Variants in XYLT1 observed in about 807,000 individuals in gnomAD.
XYLT1 encodes the protein xylosyltransferase 1.
In XYLT1, 36 loss-of-function variants were observed where a neutral mutation model predicts 91.3. The observed-to-expected ratio is 0.39, with a 90% CI of 0.30 to 0.52. The LOEUF (loss-of-function observed/expected upper bound fraction) is 0.52, where lower values mean the gene tolerates loss of function less well. XYLT1 is among the 20% of genes least tolerant of loss of function. The probability of loss-of-function intolerance (pLI) is 0.68; values close to 1 mark genes in which losing one functional copy is unlikely to be tolerated. For missense variants in XYLT1, 1,242 were observed against 1,284.5 expected (o/e 0.97, Z 0.51); for synonymous variants, 588 against 532.0 (o/e 1.11, Z -1.45).
At chr16:17,127,218 C>T (rs979784246) in intron 10 of XYLT1, among the ~76,000 whole-genome samples, 1 of 152,138 alleles carries the variant, frequency 6.6e-6, no homozygotes, top group Non-Finnish European at 1.5e-5. Context: ...TTGAGCGAAT[C>T]CAGGTGTGCT....
intron 2 of XYLT1, among the ~76,000 whole-genome samples, chr16:17,270,909 T>G (rs1254989484): frequency 6.6e-6 from 1 of 151,974 alleles, no homozygotes; most frequent in Non-Finnish European, 1.5e-5. Context: ...TGAATGCCCC[T>G]TCAAATGGGG....
chr16:17,139,538 T>A (rs1328394795), intron 7 of XYLT1, among the ~76,000 whole-genome samples: 5 of 152,096 alleles, frequency 3.3e-5, no homozygotes, highest in African/African-American at 1.2e-4. Context: ...TCTAAATGGA[T>A]GGGTGGGTAA....
Position 17,450,365 on chromosome 16 carries a change from A to ACAAAC in XYLT1, c.363+20068_363+20069insGTTTG, listed in dbSNP as rs1555458016. Among the ~76,000 whole-genome samples, 47 of 145,306 alleles carry ACAAAC rather than the reference A, an allele frequency of 3.2e-4. No homozygotes were observed. In the South Asian group the frequency reaches 4.9e-3, roughly 15 times the overall value. On this transcript the variant is annotated intron_variant, in intron 1 of 11. Coordinates refer to ENST00000261381, the MANE Select transcript of XYLT1 (RefSeq NM_022166.4). ...AACAAACAAACAAACAAACAAACAA[A>ACAAAC]AAAAAAAAGGTGAGAAGGATTCTAG...
intron 1 of XYLT1, among the ~76,000 whole-genome samples, chr16:17,433,436 A>T (rs1456526111): frequency 6.6e-6 from 1 of 152,210 alleles, no homozygotes; most frequent in Non-Finnish European, 1.5e-5. Flanking sequence ...GAATCATAAA[A>T]AGTAAGGAAG....
chr16:17,390,462 C>G (rs1184271595), intron 1 of XYLT1, among the ~76,000 whole-genome samples: 1 of 152,180 alleles, frequency 6.6e-6, no homozygotes, highest in Non-Finnish European at 1.5e-5. Flanking sequence ...GCCCCTGTGG[C>G]CAACACATCT....
At chr16:17,390,839 C>T (rs1331418466) in intron 1 of XYLT1, among the ~76,000 whole-genome samples, 1 of 152,120 alleles carries the variant, frequency 6.6e-6, no homozygotes, top group Non-Finnish European at 1.5e-5. Flanking sequence ...AGTTCAAAAC[C>T]AGCCTGGGCA....
At chr16:17,441,496 T>C (rs936639732) in intron 1 of XYLT1, among the ~76,000 whole-genome samples, 1 of 152,200 alleles carries the variant, frequency 6.6e-6, no homozygotes, top group Admixed American at 6.5e-5. Context: ...AACAGTCCAC[T>C]GCCTCTGCTC....
intron 3 of XYLT1, among the ~76,000 whole-genome samples, chr16:17,255,064 T>G (rs891217372): frequency 1.3e-5 from 2 of 148,214 alleles, no homozygotes; most frequent in Non-Finnish European, 3.0e-5. Context: ...TGGCATGATC[T>G]CAGCTCACTG....
intron 2 of XYLT1, among the ~76,000 whole-genome samples, chr16:17,288,204 C>T (rs2034169755): frequency 6.6e-6 from 1 of 151,710 alleles, no homozygotes; most frequent in African/African-American, 2.4e-5. Flanking sequence ...GCTGGGATTA[C>T]AGGTGTGAGC....
At chr16:17,208,925 C>A (rs2032708884) in intron 3 of XYLT1, among the ~76,000 whole-genome samples, 1 of 152,136 alleles carries the variant, frequency 6.6e-6, no homozygotes, top group Non-Finnish European at 1.5e-5. Context: ...TGGGGTTTTG[C>A]CATGTCGGCC....
chr16:17,109,680 CT>C (rs1177396448), intron 11 of XYLT1, among the ~76,000 whole-genome samples: 3 of 152,178 alleles, frequency 2.0e-5, no homozygotes, highest in African/African-American at 7.2e-5. Flanking sequence ...TCTGTGGCTG[CT>C]TTTGTGCTAC....
intron 1 of XYLT1, among the ~76,000 whole-genome samples, chr16:17,430,877 A>G (rs1332367605): frequency 2.0e-5 from 3 of 152,256 alleles, no homozygotes; most frequent in Non-Finnish European, 4.4e-5. Flanking sequence ...TAGTATCTAA[A>G]GTAAACTGGG....
At chr16:17,165,277 T>G (rs948868587) in intron 5 of XYLT1, among the ~76,000 whole-genome samples, 2 of 152,228 alleles carry the variant, frequency 1.3e-5, no homozygotes, top group African/African-American at 2.4e-5. Flanking sequence ...TGTTATTATA[T>G]AAACGGGAAC....
intron 1 of XYLT1, among the ~76,000 whole-genome samples, chr16:17,444,307 G>A (rs1031720026): frequency 4.6e-5 from 7 of 152,100 alleles, no homozygotes; most frequent in African/African-American, 7.2e-5. Context: ...CTAACCCTCA[G>A]TACTGGAGTA....
intron 2 of XYLT1, among the ~76,000 whole-genome samples, chr16:17,280,243 G>A (rs558387175): frequency 2.6e-5 from 4 of 152,258 alleles, no homozygotes; most frequent in African/African-American, 7.2e-5. Flanking sequence ...CCAGATACTC[G>A]GGAGGCTGAG....
chr16:17,155,835 G>T (rs2031393625), intron 6 of XYLT1, among the ~76,000 whole-genome samples: 1 of 152,058 alleles, frequency 6.6e-6, no homozygotes, highest in South Asian at 2.1e-4. Flanking sequence ...TCTTTATGTT[G>T]TCCCAAGACA....
chr16:17,253,048 T>G (rs1277212500), intron 3 of XYLT1, among the ~76,000 whole-genome samples: 1 of 152,158 alleles, frequency 6.6e-6, no homozygotes, highest in Non-Finnish European at 1.5e-5. Context: ...CTCAAATCCC[T>G]CCTAAGCAGA....
chr16:17,453,913 G>A (rs889141597), intron 1 of XYLT1, among the ~76,000 whole-genome samples: 1 of 152,238 alleles, frequency 6.6e-6, no homozygotes, highest in East Asian at 1.9e-4. Context: ...AACTAAAGCA[G>A]TTGACATCGG....
At chr16:17,163,838 C>G (rs2031608234) in intron 5 of XYLT1, among the ~76,000 whole-genome samples, 2 of 151,900 alleles carry the variant, frequency 1.3e-5, no homozygotes, top group Non-Finnish European at 2.9e-5. Flanking sequence ...CATTTGAGGT[C>G]AGGAGTTAGA....
Sources: gnomAD v4.1 joint callset for allele counts (sites outside exome capture counted in the v4.1 genomes callset) on GRCh38, gnomAD v4.1.1 for gene constraint, MANE v1.5 for transcripts, NCBI Gene and HGNC (gene_info 2026-07-23, HGNC 2026-07-21) for gene names.